The following SNTG1 variants were observed in gnomAD, a reference collection of about 807,000 sequenced individuals.
The protein encoded by SNTG1 is gamma-1-syntrophin.
SNTG1 carries 39 observed loss-of-function variants against 74.7 expected under a neutral mutation model. The observed-to-expected ratio is 0.52, with a 90% confidence interval of 0.40 to 0.68. SNTG1 has a LOEUF of 0.68. Among genes scored for constraint, SNTG1 ranks in the 30% least tolerant of loss-of-function variants. The pLI is 0.00. For missense variants in SNTG1, 685 were observed against 609.5 expected, an observed-to-expected ratio of 1.12 and a Z score of -1.30; for synonymous variants, 254 against 217.1, an observed-to-expected ratio of 1.17 and a Z score of -1.49.
intron 2 of SNTG1, among the ~76,000 whole-genome samples, chr8:50,380,347 G>C (rs1433994828): frequency 1.3e-5 from 2 of 152,178 alleles, no homozygotes; most frequent in Non-Finnish European, 2.9e-5. Context: ...AGATGTGAAT[G>C]TGTGTGGAGA....
chr8:50,707,820 C>A, intron 16 of SNTG1: 1 of 361,946 alleles, frequency 2.8e-6, no homozygotes. Context: ...ATAGATGTAA[C>A]AATACATCAT....
chr8:50,461,496 A>T lies in SNTG1; in HGVS notation c.363+10767A>T, dbSNP rs555993448. Among the ~76,000 whole-genome samples, 234 of 152,254 alleles carry T rather than the reference A, an allele frequency of 1.5e-3. 2 individuals are homozygous for T. Among genetic ancestry groups the T allele is most frequent in the African/African-American group, 4.9e-3 (204 of 41,560 alleles). ...CTACATAATTATTTAGAATTCTGTTAACATAGATTTATCTATTTTCTCAAT... is the reference window on the plus strand; with the variant it reads ...CTACATAATTATTTAGAATTCTGTTTACATAGATTTATCTATTTTCTCAAT... On this transcript the variant is annotated intron_variant, in intron 8 of 18. Coordinates refer to ENST00000642720, the MANE Select transcript of SNTG1 (RefSeq NM_018967.5).
At chr8:50,107,295 T>G (rs1375469656) in intron 1 of SNTG1, among the ~76,000 whole-genome samples, 1 of 152,192 alleles carries the variant, frequency 6.6e-6, no homozygotes, top group Non-Finnish European at 1.5e-5. Flanking sequence ...CATCCTTTAT[T>G]AGCATTCTGG....
intron 1 of SNTG1, among the ~76,000 whole-genome samples, chr8:49,973,284 G>A (rs1264507873): frequency 1.3e-5 from 2 of 150,670 alleles, no homozygotes; most frequent in East Asian, 3.9e-4. Context: ...AACACCGCAT[G>A]TTCTCACTCA....
chr8:50,421,637 A>G (rs1464080498), intron 4 of SNTG1, among the ~76,000 whole-genome samples: 1 of 152,082 alleles, frequency 6.6e-6, no homozygotes, highest in African/African-American at 2.4e-5. Context: ...TATTTTACCC[A>G]ACCCTTTTTC....
chr8:50,218,066 G>C (rs1010451900), intron 2 of SNTG1, among the ~76,000 whole-genome samples: 15 of 152,166 alleles, frequency 9.9e-5, no homozygotes, highest in African/African-American at 3.6e-4. Context: ...CATTATTTCA[G>C]CACGAGCTAA....
At chr8:50,058,997 G>A (rs569541966) in intron 1 of SNTG1, among the ~76,000 whole-genome samples, 1 of 152,050 alleles carries the variant, frequency 6.6e-6, no homozygotes, top group Non-Finnish European at 1.5e-5. Flanking sequence ...CAATCATACA[G>A]TGTGCAGGCA....
intron 2 of SNTG1, among the ~76,000 whole-genome samples, chr8:50,249,582 C>G (rs2086556995): frequency 6.6e-6 from 1 of 152,182 alleles, no homozygotes; most frequent in East Asian, 1.9e-4. Flanking sequence ...TTCAGAAGAG[C>G]CTACCACAAA....
At chr8:50,178,182 A>T (rs896243475) in intron 2 of SNTG1, among the ~76,000 whole-genome samples, 1 of 152,212 alleles carries the variant, frequency 6.6e-6, no homozygotes, top group Non-Finnish European at 1.5e-5. Flanking sequence ...ATCCATTGGT[A>T]ATGCTTAGTA....
intron 8 of SNTG1, among the ~76,000 whole-genome samples, chr8:50,464,998 T>A (rs2093597548): frequency 6.6e-6 from 1 of 151,446 alleles, no homozygotes; most frequent in Non-Finnish European, 1.5e-5. Context: ...CACAGGCTTG[T>A]TACAAACCTT....
At chr8:50,009,380 A>T (rs527906985) in intron 1 of SNTG1, among the ~76,000 whole-genome samples, 1 of 152,214 alleles carries the variant, frequency 6.6e-6, no homozygotes, top group Admixed American at 6.5e-5. Flanking sequence ...AGACTGGACT[A>T]CCTTTTCTCT....
At chr8:50,390,862 C>T (rs1207147467) in intron 2 of SNTG1, among the ~76,000 whole-genome samples, 1 of 152,082 alleles carries the variant, frequency 6.6e-6, no homozygotes, top group Non-Finnish European at 1.5e-5. Flanking sequence ...CTTTATTTGG[C>T]TCTCTGTTTG....
At chr8:49,931,487 A>C in intron 1 of SNTG1, among the ~76,000 whole-genome samples, 1 of 152,296 alleles carries the variant, frequency 6.6e-6, no homozygotes, top group Non-Finnish European at 1.5e-5. Flanking sequence ...GGGATCCGTA[A>C]CCCAAACCTC....
At chr8:50,117,611 C>A (rs1464187929) in intron 1 of SNTG1, among the ~76,000 whole-genome samples, 1 of 152,092 alleles carries the variant, frequency 6.6e-6, no homozygotes, top group African/African-American at 2.4e-5. Context: ...CGCTCCATTG[C>A]TGTCTGAGTC....
At chr8:50,167,752 G>T (rs888457121) in intron 1 of SNTG1, among the ~76,000 whole-genome samples, 9 of 150,494 alleles carry the variant, frequency 6.0e-5, no homozygotes, top group Non-Finnish European at 1.0e-4. Flanking sequence ...ATTCGAGGTT[G>T]CAGTGAGTCA....
chr8:50,243,119 T>C (rs192148358), intron 2 of SNTG1, among the ~76,000 whole-genome samples: 84 of 152,268 alleles, frequency 5.5e-4, no homozygotes, highest in Middle Eastern at 3.4e-3. Context: ...ATCTATGAAA[T>C]ATTTAAGAAT....
At chr8:50,607,111 C>T (rs1006241787) in intron 13 of SNTG1, among the ~76,000 whole-genome samples, 1 of 151,750 alleles carries the variant, frequency 6.6e-6, no homozygotes, top group Non-Finnish European at 1.5e-5. Context: ...CCTTCAAGAT[C>T]GTTTCTAACT....
intron 15 of SNTG1, among the ~76,000 whole-genome samples, chr8:50,687,727 C>A (rs908642961): frequency 4.6e-5 from 7 of 152,186 alleles, no homozygotes; most frequent in African/African-American, 1.7e-4. Context: ...CCCCCTCGCC[C>A]CACCCCACAA....
intron 2 of SNTG1, among the ~76,000 whole-genome samples, chr8:50,314,644 T>C (rs1162524403): frequency 6.7e-6 from 1 of 150,120 alleles, no homozygotes; most frequent in Non-Finnish European, 1.5e-5. Context: ...CCTGAAAGTG[T>C]CTTATCATTT....
Sources: allele counts gnomAD v4.1 joint callset (sites outside exome capture counted in the v4.1 genomes callset), GRCh38; gene constraint gnomAD v4.1.1; transcripts MANE v1.5; gene names NCBI Gene and HGNC (gene_info 2026-07-23, HGNC 2026-07-21).